OPRM1: variants seen among roughly 807,000 people sequenced by gnomAD.
The protein encoded by OPRM1 is mu-type opioid receptor.
OPRM1 carries 27 observed loss-of-function variants against 31.8 expected under a neutral mutation model. The observed-to-expected ratio is 0.85, with a 90% CI of 0.63 to 1.17. The LOEUF (loss-of-function observed/expected upper bound fraction) is 1.17, where lower values mean the gene tolerates loss of function less well. OPRM1 is among the 50% of genes most tolerant of loss of function. The probability of loss-of-function intolerance (pLI) is 0.00; values close to 1 mark genes in which losing one functional copy is unlikely to be tolerated. For synonymous variants in OPRM1, 196 were observed against 189.9 expected, an observed-to-expected ratio of 1.03 and a Z score of -0.26; for missense variants, 536 against 511.1, an observed-to-expected ratio of 1.05 and a Z score of -0.47.
At chr6:154,152,368 G>GA (rs1398544852) in intron 3 of OPRM1, among the ~76,000 whole-genome samples, 1 of 146,768 alleles carries the variant, frequency 6.8e-6, no homozygotes, top group South Asian at 2.1e-4. Context: ...AAGAAAGAAA[G>GA]AAAGAAAGAA....
intron 3 of OPRM1, chr6:154,094,083 CTTGT>C (rs1180839380): frequency 2.1e-6 from 1 of 479,720 alleles, no homozygotes; most frequent in Non-Finnish European, 3.7e-6. Flanking sequence ...TTTTCAACTA[CTTGT>C]TTGAAGTTTA....
In OPRM1 at chr6:154,129,374, C is replaced by G. The variant is rs1400544334; in HGVS notation, c.*10653C>G. Among the ~76,000 whole-genome samples the G allele has an allele frequency of 3.3e-5, 5 of 152,180 alleles. No individual in the cohort carries two copies. In the East Asian group the frequency reaches 9.6e-4, roughly 29 times the overall value. On this transcript the variant is annotated 3_prime_UTR_variant, in exon 4 of 4. Coordinates refer to ENST00000330432, the MANE Select transcript of OPRM1 (RefSeq NM_000914.5). Reference sequence around the variant, plus strand: ...TGATTTTTAACTACTGGGTTTAGGCCAGGCGGGCCCAGGCCTGGTTTCGGG... The same window carrying G: ...TGATTTTTAACTACTGGGTTTAGGCGAGGCGGGCCCAGGCCTGGTTTCGGG...
At chr6:154,075,780 A>T (rs1157064898) in intron 1 of OPRM1, among the ~76,000 whole-genome samples, 1 of 152,150 alleles carries the variant, frequency 6.6e-6, no homozygotes, top group African/African-American at 2.4e-5. Context: ...CCTCTGAGAG[A>T]CTTCCCATCT....
intron 3 of OPRM1, among the ~76,000 whole-genome samples, chr6:154,198,375 T>G (rs1284721889): frequency 2.6e-5 from 4 of 152,172 alleles, no homozygotes; most frequent in Admixed American, 2.6e-4. Context: ...TGACAAGGTT[T>G]CCTTTCTCCT....
intron 1 of OPRM1, among the ~76,000 whole-genome samples, chr6:154,047,127 A>AAGTGGTATGTGGTTAAGTG (rs1781263222): frequency 6.6e-6 from 1 of 152,232 alleles, no homozygotes; most frequent in Non-Finnish European, 1.5e-5. Context: ...TCGAGAGTAC[A>AAGTGGTATGTGGTTAAGTG]GGCAAGTGGT....
At chr6:154,198,959 T>A (rs1776852396) in intron 3 of OPRM1, among the ~76,000 whole-genome samples, 1 of 152,118 alleles carries the variant, frequency 6.6e-6, no homozygotes, top group South Asian at 2.1e-4. Flanking sequence ...TAGCGCACAA[T>A]CAGAAAAGAT....
chr6:154,041,890 T>C (rs1780142031), intron 1 of OPRM1, among the ~76,000 whole-genome samples: 1 of 152,188 alleles, frequency 6.6e-6, no homozygotes, highest in Non-Finnish European at 1.5e-5. Context: ...AGTTTATGCT[T>C]TGCAATACAG....
intron 3 of OPRM1, among the ~76,000 whole-genome samples, chr6:154,206,986 A>C (rs1472232636): frequency 6.6e-6 from 1 of 152,232 alleles, no homozygotes; most frequent in Non-Finnish European, 1.5e-5. Flanking sequence ...ATTCACTGGA[A>C]GCTTTTGTGC....
intron 1 of OPRM1, among the ~76,000 whole-genome samples, chr6:154,067,668 T>C (rs1464657818): frequency 6.6e-6 from 1 of 152,094 alleles, no homozygotes; most frequent in Non-Finnish European, 1.5e-5. Context: ...CTGTTAAACC[T>C]AGTTGGTTTG....
At chr6:154,081,691 G>A (rs1346763521) in intron 1 of OPRM1, among the ~76,000 whole-genome samples, 1 of 152,142 alleles carries the variant, frequency 6.6e-6, no homozygotes, top group Non-Finnish European at 1.5e-5. Flanking sequence ...TGCCTACTTC[G>A]ACGTGGTCAG....
In OPRM1 at chr6:154,168,412, C is replaced by T. The variant is rs889571758; in HGVS notation, c.1164+76940C>T. ...AACTCCAATATTCACATGGGGTGTT[C>T]CCTGCATGCATGTCTCTGTGTCCAA... On this transcript the variant is annotated intron_variant, in intron 3 of 3. Transcript: ENST00000337049. This position sits in a 1 kb window ranked among gnomAD's most constrained non-coding sequence, Gnocchi z 4.1. Among the ~76,000 whole-genome samples, 3 of 151,894 alleles carry T rather than the reference C, an allele frequency of 2.0e-5. No individual in the cohort carries two copies. The highest frequency in any genetic ancestry group is 2.9e-5 in the Non-Finnish European group (2 of 68,010).
intron 3 of OPRM1, chr6:154,213,001 T>C: frequency 1.6e-6 from 1 of 643,190 alleles, no homozygotes; most frequent in South Asian, 1.9e-5. Flanking sequence ...GGTAACTACC[T>C]GGTGCAAAGG....
At chr6:154,072,506 C>T (rs757979536) in intron 1 of OPRM1, among the ~76,000 whole-genome samples, 56 of 152,178 alleles carry the variant, frequency 3.7e-4, no homozygotes, top group Non-Finnish European at 4.4e-4. Context: ...AAAGTGAATG[C>T]AATCTTTCAT....
At chr6:154,025,785 G>A (rs1778658784) in intron 1 of OPRM1, among the ~76,000 whole-genome samples, 2 of 151,794 alleles carry the variant, frequency 1.3e-5, no homozygotes, top group East Asian at 1.9e-4. Context: ...AGCACTTTTT[G>A]CATAAACAAA....
intron 3 of OPRM1, among the ~76,000 whole-genome samples, chr6:154,180,707 T>C (rs1025147810): frequency 6.6e-6 from 1 of 152,200 alleles, no homozygotes; most frequent in Non-Finnish European, 1.5e-5. Flanking sequence ...TTGTGCTTTC[T>C]AGAATGTGGC....
At chr6:154,100,517 C>T (rs983751119) in intron 3 of OPRM1, among the ~76,000 whole-genome samples, 10 of 151,644 alleles carry the variant, frequency 6.6e-5, no homozygotes, top group African/African-American at 2.4e-4. Context: ...AATAAATAGC[C>T]TGATAAATTG....
chr6:154,086,774 G>A lies in OPRM1; in HGVS notation c.291-3052G>A, dbSNP rs937431474. On this transcript the variant is annotated intron_variant, in intron 1 of 3. Coordinates refer to ENST00000330432, the MANE Select transcript of OPRM1 (RefSeq NM_000914.5). Reference sequence around the variant, plus strand: ...AGCCACGAAATGTAAGGTCTGCTGGGTAGGAAAGTGGCAAATGCAATGAAG... The same window carrying A: ...AGCCACGAAATGTAAGGTCTGCTGGATAGGAAAGTGGCAAATGCAATGAAG... The A allele has an allele frequency of 1.4e-5, 14 of 985,398 alleles. No homozygotes were observed. The highest frequency in any genetic ancestry group is 1.6e-5 in the Non-Finnish European group (13 of 829,908). The allele number at this position is 985,398 out of a possible 1,614,324, so 61.0% of individuals were successfully genotyped here.
chr6:154,156,298 A>G (rs1798711197), intron 3 of OPRM1: 1 of 152,312 alleles, frequency 6.6e-6, no homozygotes, highest in African/African-American at 2.4e-5. Context: ...CACCAGGGCC[A>G]GCCGTATGCT....
rs200920064 is a variant in OPRM1 at position 154,118,839 on chromosome 6, G to A, written c.*118G>A. Reference sequence around the variant, plus strand: ...TCTCTAGGAAAGTGCCTGCTTTTAGGTCATCCAACCTCTTTCCTCTCTGGC... The same window carrying A: ...TCTCTAGGAAAGTGCCTGCTTTTAGATCATCCAACCTCTTTCCTCTCTGGC... On this transcript the variant is annotated 3_prime_UTR_variant, in exon 4 of 4. Transcript: ENST00000330432. 85 of 1,530,462 alleles carry A rather than the reference G, an allele frequency of 5.6e-5. No individual in the cohort carries two copies. The African/African-American group carries it at 1.1e-3, about 21-fold the overall frequency. 94.8% of individuals were successfully genotyped at this position (1,530,462 alleles called of 1,614,324 possible). A position where few individuals can be genotyped will look rare whatever the true frequency, so the allele number is the denominator to read the frequency against.
Sources: allele counts gnomAD v4.1 joint callset (sites outside exome capture counted in the v4.1 genomes callset), GRCh38; gene constraint gnomAD v4.1.1; non-coding constraint Gnocchi (gnomAD v3.1); transcripts MANE v1.5; gene names NCBI Gene and HGNC (gene_info 2026-07-23, HGNC 2026-07-21).